The following EYA2 variants were observed in gnomAD, a reference collection of about 807,000 sequenced individuals.
The protein encoded by EYA2 is EYA transcriptional coactivator and phosphatase 2, also known as protein phosphatase EYA2.
Under a neutral mutation model 69.2 loss-of-function variants are expected in EYA2, and 31 were observed. That is an observed-to-expected ratio of 0.45 (90% CI 0.34 to 0.60). The LOEUF (loss-of-function observed/expected upper bound fraction) is 0.60. EYA2 is among the 20% of genes least tolerant of loss of function. EYA2 has a pLI of 0.02. For synonymous variants in EYA2, 257 were observed against 279.4 expected, an observed-to-expected ratio of 0.92 and a Z score of 0.80; for missense variants, 622 against 701.2, an observed-to-expected ratio of 0.89 and a Z score of 1.28.
At chr20:47,122,793 C>T (rs909936743) in intron 9 of EYA2, among the ~76,000 whole-genome samples, 1 of 152,254 alleles carries the variant, frequency 6.6e-6, no homozygotes, top group East Asian at 1.9e-4. Flanking sequence ...CACACCCATT[C>T]GTTTACATCT....
chr20:46,963,104 T>C (rs766949140), intron 1 of EYA2, among the ~76,000 whole-genome samples: 2 of 152,222 alleles, frequency 1.3e-5, no homozygotes, highest in African/African-American at 2.4e-5. Context: ...CAGTTGCCCA[T>C]GGTGGTAACT....
At chr20:46,990,269 A>G (rs1388923280) in intron 2 of EYA2, 150 bp downstream of exon 2, 4 of 502,194 alleles carry the variant, frequency 8.0e-6, no homozygotes, top group African/African-American at 1.9e-5. Flanking sequence ...CTCTGAACCA[A>G]AACTTTGGCA....
Position 47,188,417 on chromosome 20 carries a change from G to T in EYA2, c.*284G>T. The T allele has an allele frequency of 1.8e-6, 1 of 560,166 alleles. No individual in the cohort carries two copies. The allele number at this position is 560,166 out of a possible 1,614,324, so 34.7% of individuals were successfully genotyped here. ...ACTCACAGAACAAAAGCAAGGAATT[G>T]CTGATTTGGGGGGTGCCTGGTGATG... On this transcript the variant is annotated 3_prime_UTR_variant, in exon 16 of 16. Coordinates refer to ENST00000327619, the MANE Select transcript of EYA2 (RefSeq NM_005244.5).
chr20:47,015,348 C>A (rs929999477), intron 4 of EYA2, among the ~76,000 whole-genome samples: 1 of 152,208 alleles, frequency 6.6e-6, no homozygotes, highest in African/African-American at 2.4e-5. Flanking sequence ...GGAATTAGTA[C>A]CTATGCTTTA....
chr20:47,073,791 A>T (rs573880773), intron 6 of EYA2, among the ~76,000 whole-genome samples: 3 of 152,002 alleles, frequency 2.0e-5, no homozygotes, highest in Non-Finnish European at 2.9e-5. Flanking sequence ...CAACAAGTTG[A>T]TGTATAAACC....
At chr20:47,046,746 A>G (rs970668778) in intron 5 of EYA2, among the ~76,000 whole-genome samples, 4 of 152,346 alleles carry the variant, frequency 2.6e-5, no homozygotes, top group African/African-American at 9.6e-5. Flanking sequence ...GTTCTGGACC[A>G]GGTTTGACAC....
In EYA2 at chr20:47,188,466, C is replaced by T; in HGVS notation, c.*333C>T. Reference sequence around the variant, plus strand: ...TGAGGAGGGGATGGGTTTGTCTTGTCTTCTTTTTAATTTATGGACTAGTCT... The same window carrying T: ...TGAGGAGGGGATGGGTTTGTCTTGTTTTCTTTTTAATTTATGGACTAGTCT... On this transcript the variant is annotated 3_prime_UTR_variant, in exon 16 of 16. Coordinates refer to ENST00000327619, the MANE Select transcript of EYA2 (RefSeq NM_005244.5). The T allele has an allele frequency of 3.7e-6, 2 of 541,696 alleles. No individual in the cohort carries two copies. The highest frequency in any genetic ancestry group is 6.5e-6 in the Non-Finnish European group (2 of 306,324). The allele number at this position is 541,696 out of a possible 1,614,324, so 33.6% of individuals were successfully genotyped here. A position where few individuals can be genotyped will look rare whatever the true frequency, so the allele number is the denominator to read the frequency against.
intron 10 of EYA2, among the ~76,000 whole-genome samples, chr20:47,157,606 T>G (rs2146626552): frequency 6.6e-6 from 1 of 152,010 alleles, no homozygotes; most frequent in East Asian, 2.0e-4. Flanking sequence ...GGGAGGTTGT[T>G]TCTTTTAATT....
At chr20:46,950,586 A>G (rs1466619914) in intron 1 of EYA2, among the ~76,000 whole-genome samples, 1 of 152,228 alleles carries the variant, frequency 6.6e-6, no homozygotes, top group Non-Finnish European at 1.5e-5. Flanking sequence ...GGAGTAATGG[A>G]ACATTAAGCA....
At chr20:46,966,867 A>G (rs1056653405) in intron 1 of EYA2, among the ~76,000 whole-genome samples, 1 of 152,214 alleles carries the variant, frequency 6.6e-6, no homozygotes, top group Non-Finnish European at 1.5e-5. Flanking sequence ...ATGTCAAAAA[A>G]TATTATCATT....
intron 5 of EYA2, among the ~76,000 whole-genome samples, chr20:47,036,256 G>T (rs561248139): frequency 6.6e-6 from 1 of 151,870 alleles, no homozygotes; most frequent in Non-Finnish European, 1.5e-5. Context: ...TGTGCAAAAT[G>T]TAACAGAGTG....
chr20:47,072,272 G>C lies in EYA2; in HGVS notation c.483+20G>C. 6.2e-7 allele frequency: 1 copy of C among 1,600,444 alleles called. No individual in the cohort carries two copies. The highest frequency in any genetic ancestry group is 1.1e-5 in the South Asian group (1 of 89,062). On this transcript the variant is annotated intron_variant, in intron 6 of 15. Coordinates refer to ENST00000327619, the MANE Select transcript of EYA2 (RefSeq NM_005244.5). ...CACCAGGTAGACATGGCTCCCTCCC[G>C]ATTCTTTCCTCAGTTCTTTCTGGAA...
At chr20:46,987,577 C>T (rs1981314374) in intron 1 of EYA2, among the ~76,000 whole-genome samples, 1 of 152,042 alleles carries the variant, frequency 6.6e-6, no homozygotes, top group Non-Finnish European at 1.5e-5. Flanking sequence ...CATCTGTGTC[C>T]ATTAACAGTA....
chr20:47,050,922 G>T (rs538287983), intron 5 of EYA2, among the ~76,000 whole-genome samples: 82 of 152,376 alleles, frequency 5.4e-4, no homozygotes, highest in African/African-American at 1.9e-3. Flanking sequence ...GGGACAGACA[G>T]ATACAGGATG....
intron 6 of EYA2, among the ~76,000 whole-genome samples, chr20:47,072,523 A>G (rs1166032990): frequency 1.3e-5 from 2 of 152,124 alleles, no homozygotes; most frequent in Admixed American, 6.5e-5. Flanking sequence ...CAGGACACCC[A>G]TTGACTGTTG....
intron 9 of EYA2, among the ~76,000 whole-genome samples, chr20:47,106,910 G>C (rs2032598464): frequency 6.6e-6 from 1 of 152,118 alleles, no homozygotes; most frequent in Non-Finnish European, 1.5e-5. Flanking sequence ...CCATGTTCTT[G>C]TTGGCGGATA....
chr20:47,007,086 C>T (rs1269337140), intron 4 of EYA2, among the ~76,000 whole-genome samples: 3 of 151,982 alleles, frequency 2.0e-5, no homozygotes, highest in Non-Finnish European at 2.9e-5. Flanking sequence ...TACGCTACTG[C>T]GCCCTGCTAA....
intron 7 of EYA2, among the ~76,000 whole-genome samples, chr20:47,081,257 A>G (rs2146490502): frequency 6.6e-6 from 1 of 152,210 alleles, no homozygotes; most frequent in East Asian, 1.9e-4. Flanking sequence ...TTTGATGGGG[A>G]CACAGAGCCA....
At chr20:47,155,643 C>T (rs1390789657) in intron 10 of EYA2, among the ~76,000 whole-genome samples, 1 of 151,916 alleles carries the variant, frequency 6.6e-6, no homozygotes, top group African/African-American at 2.4e-5. Context: ...TGAACCATCT[C>T]ACCGCATCCT....
Sources: gnomAD v4.1 joint callset for allele counts (sites outside exome capture counted in the v4.1 genomes callset) on GRCh38, gnomAD v4.1.1 for gene constraint, MANE v1.5 for transcripts, NCBI Gene and HGNC (gene_info 2026-07-23, HGNC 2026-07-21) for gene names.